The following DHRSX variants were observed in gnomAD, a reference collection of about 807,000 sequenced individuals.
DHRSX encodes polyprenol dehydrogenase.
Under a neutral mutation model 34.0 loss-of-function variants are expected in DHRSX, and 31 were observed. The observed-to-expected ratio is 0.91, with a 90% CI of 0.69 to 1.23. DHRSX has a LOEUF of 1.23. Ranked by LOEUF, DHRSX falls within the 50% of genes most tolerant of loss-of-function variation. The probability of loss-of-function intolerance (pLI) is 0.00; values close to 1 mark genes in which losing one functional copy is unlikely to be tolerated. For synonymous variants in DHRSX, 201 were observed against 183.8 expected (o/e 1.09, Z -0.76); for missense variants, 414 against 428.1 (o/e 0.97, Z 0.29).
At chrX:2,368,427 G>A (rs1185189713) in intron 3 of DHRSX, among the ~76,000 whole-genome samples, 3 of 152,064 alleles carry the variant, frequency 2.0e-5, no homozygotes, top group Non-Finnish European at 4.4e-5. Flanking sequence ...ATTATTCTCT[G>A]CGTCTTTCAA....
intron 2 of DHRSX, among the ~76,000 whole-genome samples, chrX:2,414,692 T>C (rs185568155): frequency 0.12 from 18,852 of 151,628 alleles, 1,300 homozygotes; most frequent in Middle Eastern, 0.18. Context: ...GATCCCATCA[T>C]GAGCAACACA....
chrX:2,493,684 C>T (rs959313123), intron 1 of DHRSX, among the ~76,000 whole-genome samples: 1 of 151,940 alleles, frequency 6.6e-6, no homozygotes, highest in African/African-American at 2.4e-5. Context: ...GATTTTTATG[C>T]TGGCACCAGG....
chrX:2,248,117 G>C lies in DHRSX; in HGVS notation c.597-4887C>G, dbSNP rs765499920. ...GTTCGAGACCAGCCTGCCCAACACAGGGAAACATCACCTCTACTGAAAATA... is the reference window on the plus strand; with the variant it reads ...GTTCGAGACCAGCCTGCCCAACACACGGAAACATCACCTCTACTGAAAATA... On this transcript the variant is annotated intron_variant, in intron 5 of 6. Coordinates refer to ENST00000334651, the MANE Select transcript of DHRSX (RefSeq NM_145177.3). Among the ~76,000 whole-genome samples the C allele has an allele frequency of 2.0e-5, 3 of 152,140 alleles. No homozygotes were observed. In the South Asian group the frequency reaches 6.2e-4, roughly 32 times the overall value.
chrX:2,283,876 A>G (rs2041765480), intron 4 of DHRSX, among the ~76,000 whole-genome samples: 2 of 151,994 alleles, frequency 1.3e-5, no homozygotes, highest in South Asian at 4.1e-4. Flanking sequence ...GAATTCATTC[A>G]TTCATTCCTT....
At chrX:2,225,121 CTCAT>C (rs1369571406) in intron 6 of DHRSX, among the ~76,000 whole-genome samples, 13 of 146,624 alleles carry the variant, frequency 8.9e-5, no homozygotes, top group Non-Finnish European at 1.4e-4. Flanking sequence ...CATGCACACA[CTCAT>C]TCACATGCAC....
chrX:2,444,529 G>A (rs1478711981), intron 1 of DHRSX, among the ~76,000 whole-genome samples: 2 of 152,098 alleles, frequency 1.3e-5, no homozygotes, highest in Non-Finnish European at 2.9e-5. Context: ...TCTAGCTGTT[G>A]AACAATTACA....
intron 3 of DHRSX, among the ~76,000 whole-genome samples, chrX:2,341,510 C>A (rs1334881907): frequency 6.6e-6 from 1 of 152,124 alleles, no homozygotes; most frequent in Non-Finnish European, 1.5e-5. Flanking sequence ...GTCTCCTCTT[C>A]CGTCTCTTAC....
At chrX:2,246,986 T>A (rs2016313281) in intron 5 of DHRSX, among the ~76,000 whole-genome samples, 1 of 152,178 alleles carries the variant, frequency 6.6e-6, no homozygotes, top group Non-Finnish European at 1.5e-5. Flanking sequence ...TCTTGCTCTG[T>A]CACCCAGGCT....
At chrX:2,413,740 GATGACCAAC>G (rs2043659538) in intron 2 of DHRSX, among the ~76,000 whole-genome samples, 1 of 152,058 alleles carries the variant, frequency 6.6e-6, no homozygotes, top group Non-Finnish European at 1.5e-5. Context: ...TAGATTTTAT[GATGACCAAC>G]GCAACTACAC....
chrX:2,463,397 T>C (rs6567533), intron 1 of DHRSX, among the ~76,000 whole-genome samples: 60,099 of 151,976 alleles, frequency 0.4, 14,026 homozygotes, highest in East Asian at 0.61. Context: ...CACCCTGGGC[T>C]CTGGAACTGC....
intron 3 of DHRSX, among the ~76,000 whole-genome samples, chrX:2,380,587 C>A (rs1376687572): frequency 6.6e-6 from 1 of 152,044 alleles, no homozygotes. Context: ...TAATTCCCAG[C>A]GTTGAGGGAG....
intron 3 of DHRSX, among the ~76,000 whole-genome samples, chrX:2,307,562 G>A (rs1440987994): frequency 6.6e-6 from 1 of 151,942 alleles, no homozygotes; most frequent in Non-Finnish European, 1.5e-5. Context: ...TCAGGAGATC[G>A]AGACCATCCT....
intron 2 of DHRSX, among the ~76,000 whole-genome samples, chrX:2,411,779 G>A (rs1229470297): frequency 1.3e-5 from 2 of 151,892 alleles, no homozygotes; most frequent in African/African-American, 4.8e-5. Context: ...AAACATGCCG[G>A]AAGCTGGGAC....
intron 3 of DHRSX, among the ~76,000 whole-genome samples, chrX:2,377,139 C>CCA (rs748240699): frequency 2.6e-5 from 4 of 152,040 alleles, no homozygotes; most frequent in East Asian, 3.9e-4. Context: ...CACAATTTTT[C>CCA]CACACACACA....
chrX:2,433,548 T>A (rs1340900272), intron 1 of DHRSX, among the ~76,000 whole-genome samples: 1 of 152,046 alleles, frequency 6.6e-6, no homozygotes, highest in Non-Finnish European at 1.5e-5. Context: ...ATGCGCTCCC[T>A]CTCCTTGTTC....
chrX:2,478,388 G>A (rs2044713438), intron 1 of DHRSX, among the ~76,000 whole-genome samples: 2 of 152,090 alleles, frequency 1.3e-5, no homozygotes, highest in African/African-American at 2.4e-5. Flanking sequence ...GAATGTGGCA[G>A]GGACACATTC....
At chrX:2,319,714 C>T (rs1404115780) in intron 3 of DHRSX, among the ~76,000 whole-genome samples, 1 of 151,892 alleles carries the variant, frequency 6.6e-6, no homozygotes, top group Non-Finnish European at 1.5e-5. Flanking sequence ...ATAAAGCTTC[C>T]GGTCAAGAGT....
chrX:2,403,366 A>T (rs1304871027), intron 3 of DHRSX, among the ~76,000 whole-genome samples: 2 of 152,210 alleles, frequency 1.3e-5, no homozygotes, highest in Non-Finnish European at 2.9e-5. Context: ...AGCCACAGAA[A>T]GTGCAAACGA....
At chrX:2,481,695 A>G (rs2925847) in intron 1 of DHRSX, among the ~76,000 whole-genome samples, 9 of 152,134 alleles carry the variant, frequency 5.9e-5, no homozygotes, top group South Asian at 2.1e-4. Context: ...ACACTGCAGC[A>G]TGGACCAGAA....
Sources: allele counts gnomAD v4.1 joint callset (sites outside exome capture counted in the v4.1 genomes callset), GRCh38; gene constraint gnomAD v4.1.1; transcripts MANE v1.5; gene names NCBI Gene and HGNC (gene_info 2026-07-23, HGNC 2026-07-21).